The following EBAG9 variants were observed in gnomAD, a reference collection of about 807,000 sequenced individuals.
EBAG9 encodes estrogen receptor binding site associated antigen 9.
In EBAG9, 16 loss-of-function variants were observed where a neutral mutation model predicts 30.9. That is an observed-to-expected ratio of 0.52 (90% CI 0.35 to 0.79). EBAG9 has a LOEUF of 0.79. Among genes scored for constraint, EBAG9 ranks in the 30% least tolerant of loss-of-function variants. The pLI is 0.01. For synonymous variants in EBAG9, 93 were observed against 82.8 expected, an observed-to-expected ratio of 1.12 and a Z score of -0.67; for missense variants, 197 against 242.1, an observed-to-expected ratio of 0.81 and a Z score of 1.24.
chr8:109,549,032 T>C (rs1267888790), intron 1 of EBAG9, among the ~76,000 whole-genome samples: 1 of 151,778 alleles, frequency 6.6e-6, no homozygotes, highest in Non-Finnish European at 1.5e-5. Flanking sequence ...CTCATATTAC[T>C]GTAGGTTTTT....
intron 5 of EBAG9, among the ~76,000 whole-genome samples, chr8:109,558,562 A>G (rs968770818): frequency 2.6e-5 from 4 of 152,256 alleles, no homozygotes; most frequent in South Asian, 2.1e-4. Context: ...TAATACTATC[A>G]TAGCTCATTG....
chr8:109,542,949 G>A (rs1821306315), intron 1 of EBAG9, among the ~76,000 whole-genome samples: 1 of 152,058 alleles, frequency 6.6e-6, no homozygotes, highest in Non-Finnish European at 1.5e-5. Context: ...ATAGATTACA[G>A]TGGAAATAGG....
At position 109,546,073 on chromosome 8, in the gene EBAG9, G is replaced by C. The variant is rs575049293; in HGVS notation, c.-15-4737G>C. Among the ~76,000 whole-genome samples, 112 of 152,298 alleles carry C rather than the reference G, an allele frequency of 7.4e-4. 2 individuals carry two copies. The highest frequency in any genetic ancestry group is 7.2e-3 in the Admixed American group (110 of 15,310). On this transcript the variant is annotated intron_variant, in intron 1 of 6. Transcript: ENST00000337573. ...TTGTGAAATCAGATTTCTGTTTTTA[G>C]AGAAGTTCTGAAATAATGTTTCTTT...
intron 5 of EBAG9, among the ~76,000 whole-genome samples, chr8:109,559,888 A>G (rs1302128562): frequency 6.6e-6 from 1 of 152,166 alleles, no homozygotes; most frequent in Non-Finnish European, 1.5e-5. Flanking sequence ...GTACTTTTCA[A>G]GGCTGTCATT....
chr8:109,545,046 G>T (rs1012114265), intron 1 of EBAG9, among the ~76,000 whole-genome samples: 2 of 152,026 alleles, frequency 1.3e-5, no homozygotes, highest in Non-Finnish European at 2.9e-5. Context: ...ATACAGACCG[G>T]GCGTGGTGGC....
chr8:109,539,719 G>C (rs916181525), upstream of EBAG9: 1 of 152,612 alleles, frequency 6.6e-6, no homozygotes, highest in Non-Finnish European at 1.5e-5. Context: ...CCGATGAAGG[G>C]GCGGCCATGG....
chr8:109,550,839 GT>G lies in EBAG9; in HGVS notation c.18del (p.Arg7GlyfsTer9). On this transcript the variant is annotated frameshift_variant, in exon 2 of 7. Coordinates refer to ENST00000337573, the MANE Select transcript of EBAG9 (RefSeq NM_004215.5). LOFTEE classifies it high-confidence loss of function. Reference protein sequence around the residue: MAITQFRLFKFCTCLA... With the variant: MAITQXRLFKFCTCLA... Reference sequence around the variant, plus strand: ...TGATTCCCACCATGGCCATCACCCAGTTTCGGTTATTTAAATTTTGTACCTG... The same window carrying G: ...TGATTCCCACCATGGCCATCACCCAGTTCGGTTATTTAAATTTTGTACCTG... 1 of 1,603,548 alleles carries G rather than the reference GT, an allele frequency of 6.2e-7. No homozygotes were observed. The highest frequency in any genetic ancestry group is 1.1e-5 in the South Asian group (1 of 89,626).
intron 1 of EBAG9, among the ~76,000 whole-genome samples, chr8:109,540,985 A>G (rs975604822): frequency 6.6e-6 from 1 of 152,092 alleles, no homozygotes; most frequent in Non-Finnish European, 1.5e-5. Flanking sequence ...CGAGAATTTC[A>G]ACAAGAAAAG....
At chr8:109,548,887 C>CTTTTTTTTTTTTTTTTTTTTTCT (rs548152043) in intron 1 of EBAG9, among the ~76,000 whole-genome samples, 3 of 125,122 alleles carry the variant, frequency 2.4e-5, no homozygotes, top group African/African-American at 6.0e-5. Context: ...TTTCTTTTTT[C>CTTTTTTTTTTTTTTTTTTTTTCT]TTTTTTTTTT....
chr8:109,563,256 A>C (rs1321757405), intron 6 of EBAG9: 1 of 844,004 alleles, frequency 1.2e-6, no homozygotes, highest in African/African-American at 1.7e-5. Flanking sequence ...GTTAATATTG[A>C]GCTCCCCCAG....
intron 5 of EBAG9, among the ~76,000 whole-genome samples, chr8:109,558,896 A>G (rs1018282625): frequency 1.4e-4 from 21 of 152,260 alleles, no homozygotes; most frequent in South Asian, 2.1e-4. Context: ...TGGTTTGGAT[A>G]TTTTTGTTGG....
chr8:109,552,392 G>A (rs1006094387), intron 2 of EBAG9, among the ~76,000 whole-genome samples: 12 of 152,150 alleles, frequency 7.9e-5, no homozygotes, highest in African/African-American at 2.9e-4. Context: ...TCACCCAAGA[G>A]GATAGGATTT....
chr8:109,554,492 GT>G (rs200550007), intron 3 of EBAG9, among the ~76,000 whole-genome samples: 1 of 151,940 alleles, frequency 6.6e-6, no homozygotes, highest in Non-Finnish European at 1.5e-5. Flanking sequence ...GTTTTACTTT[GT>G]TTTTTGTTTT....
chr8:109,560,740 C>A, intron 5 of EBAG9, 98 bp from the exon 6 acceptor site: 1 of 789,284 alleles, frequency 1.3e-6, no homozygotes, highest in Non-Finnish European at 2.1e-6. Flanking sequence ...AGGAGAATGA[C>A]AGGTTCTGAG....
At chr8:109,552,500 G>T (rs977440359) in intron 2 of EBAG9, among the ~76,000 whole-genome samples, 1 of 152,146 alleles carries the variant, frequency 6.6e-6, no homozygotes, top group Admixed American at 6.5e-5. Flanking sequence ...TTAAAAATGG[G>T]TATTAATTGC....
chr8:109,555,625 T>A (rs1821583739), intron 4 of EBAG9, among the ~76,000 whole-genome samples: 1 of 152,148 alleles, frequency 6.6e-6, no homozygotes, highest in South Asian at 2.1e-4. Flanking sequence ...AACTGATAGG[T>A]AGAGTTTATT....
At chr8:109,546,685 G>A (rs1472363184) in intron 1 of EBAG9, among the ~76,000 whole-genome samples, 1 of 152,066 alleles carries the variant, frequency 6.6e-6, no homozygotes, top group Non-Finnish European at 1.5e-5. Context: ...TTTATGTGTG[G>A]CCCAAGATAA....
chr8:109,542,168 A>G (rs1282348002), intron 1 of EBAG9, among the ~76,000 whole-genome samples: 3 of 152,122 alleles, frequency 2.0e-5, no homozygotes, highest in East Asian at 3.9e-4. Flanking sequence ...GTCAATGAGT[A>G]TCAGTTCTCC....
intron 1 of EBAG9, chr8:109,550,572 A>G: frequency 3.1e-6 from 1 of 322,152 alleles, no homozygotes; most frequent in Non-Finnish European, 5.6e-6. Context: ...AGGTAAAATT[A>G]TTTTCAAAAA....
Sources: gnomAD v4.1 joint callset for allele counts (sites outside exome capture counted in the v4.1 genomes callset) on GRCh38, gnomAD v4.1.1 for gene constraint, MANE v1.5 for transcripts, NCBI Gene and HGNC (gene_info 2026-07-23, HGNC 2026-07-21) for gene names.